Variants in DLGAP2 observed in about 807,000 individuals in gnomAD.
DLGAP2 encodes DLG associated protein 2.
DLGAP2 carries 26 observed loss-of-function variants against 100.3 expected under a neutral mutation model. The observed-to-expected ratio is 0.26, with a 90% CI of 0.19 to 0.36. The LOEUF (loss-of-function observed/expected upper bound fraction) is 0.36. Among genes scored for constraint, DLGAP2 ranks in the 10% least tolerant of loss-of-function variants. The probability of loss-of-function intolerance (pLI) is 1.00; values close to 1 mark genes in which losing one functional copy is unlikely to be tolerated. For synonymous variants in DLGAP2, 886 were observed against 630.1 expected (o/e 1.41, Z -6.08); for missense variants, 1,858 against 1,453.2 (o/e 1.28, Z -4.53).
chr8:1,162,121 C>G (rs1277369721), intron 2 of DLGAP2, among the ~76,000 whole-genome samples: 2 of 152,320 alleles, frequency 1.3e-5, no homozygotes, highest in East Asian at 1.9e-4. Context: ...GGGGCAGATT[C>G]CACAGGAGGC....
intron 2 of DLGAP2, among the ~76,000 whole-genome samples, chr8:951,021 A>G (rs1799466377): frequency 1.3e-5 from 2 of 152,118 alleles, no homozygotes; most frequent in Non-Finnish European, 2.9e-5. Context: ...TTGGATTCCT[A>G]TTTTGTTTAT....
At chr8:1,330,088 G>C (rs1385173614) in intron 3 of DLGAP2, among the ~76,000 whole-genome samples, 2 of 152,224 alleles carry the variant, frequency 1.3e-5, no homozygotes, top group Non-Finnish European at 2.9e-5. Context: ...CCTCATGTGG[G>C]GTCGAGGTTT....
At chr8:1,320,120 T>G (rs1800861356) in intron 3 of DLGAP2, among the ~76,000 whole-genome samples, 1 of 151,112 alleles carries the variant, frequency 6.6e-6, no homozygotes, top group Non-Finnish European at 1.5e-5. Context: ...GAGAGTGAGG[T>G]GAGGAAGAGG....
chr8:1,169,341 C>G (rs1476222081), intron 2 of DLGAP2, among the ~76,000 whole-genome samples: 2 of 152,084 alleles, frequency 1.3e-5, no homozygotes, highest in African/African-American at 2.4e-5. Flanking sequence ...GTTCTTTTGG[C>G]TTAGGATTGA....
intron 2 of DLGAP2, among the ~76,000 whole-genome samples, chr8:1,118,733 T>G (rs963517668): frequency 1.3e-5 from 2 of 152,152 alleles, no homozygotes; most frequent in African/African-American, 4.8e-5. Flanking sequence ...TAAATATACA[T>G]GTACTATGTG....
chr8:1,492,173 A>C (rs1045759899), intron 3 of DLGAP2, among the ~76,000 whole-genome samples: 1 of 152,182 alleles, frequency 6.6e-6, no homozygotes, highest in Non-Finnish European at 1.5e-5. Flanking sequence ...TCCAAAATAA[A>C]ATTACGATCA....
intron 2 of DLGAP2, among the ~76,000 whole-genome samples, chr8:1,191,317 C>T (rs192049018): frequency 1.3e-5 from 2 of 151,778 alleles, no homozygotes; most frequent in Non-Finnish European, 2.9e-5. Flanking sequence ...ACTACAGGCA[C>T]CCGCCACCAC....
intron 4 of DLGAP2, among the ~76,000 whole-genome samples, chr8:1,504,030 G>T (rs185654994): frequency 0.013 from 2,008 of 152,288 alleles, 52 homozygotes; most frequent in African/African-American, 0.046. Context: ...TGGACGCATT[G>T]GTTCCAGGGA....
At chr8:958,671 G>A (rs933774717) in intron 2 of DLGAP2, among the ~76,000 whole-genome samples, 9 of 151,426 alleles carry the variant, frequency 5.9e-5, no homozygotes, top group African/African-American at 1.5e-4. Context: ...TGGAAGCCTC[G>A]TGCTTCTGTG....
At chr8:1,629,267 C>T (rs1797585789) in intron 7 of DLGAP2, among the ~76,000 whole-genome samples, 1 of 152,194 alleles carries the variant, frequency 6.6e-6, no homozygotes, top group African/African-American at 2.4e-5. Context: ...CTTTTATCTA[C>T]TCGGTTACTT....
chr8:843,377 G>A (rs771290207), intron 1 of DLGAP2, among the ~76,000 whole-genome samples: 37 of 152,204 alleles, frequency 2.4e-4, no homozygotes, highest in Admixed American at 4.6e-4. Context: ...TGGCTGATCA[G>A]CATCAGGAGT....
chr8:1,441,903 T>C (rs549000483), intron 3 of DLGAP2, among the ~76,000 whole-genome samples: 13 of 152,028 alleles, frequency 8.6e-5, no homozygotes, highest in African/African-American at 3.1e-4. Flanking sequence ...ATGTGGTCCA[T>C]ATACACTATG....
In DLGAP2 at chr8:1,240,760, C is replaced by T. The variant is rs1413107541; in HGVS notation, c.74-18091C>T. 1.5e-3 allele frequency among the ~76,000 whole-genome samples: 114 copies of T among 77,062 alleles called. 5 individuals carry two copies. Among genetic ancestry groups the T allele is most frequent in the African/African-American group, 5.3e-3 (103 of 19,434 alleles). The allele number at this position is 77,062 out of a possible 152,430, so 50.6% of individuals were successfully genotyped here. A position where few individuals can be genotyped will look rare whatever the true frequency, so the allele number is the denominator to read the frequency against. On this transcript the variant is annotated intron_variant, in intron 2 of 14. Transcript: ENST00000637795. The stretch of plus-strand genomic sequence containing the variant: ...CGTGTCTGGTTCTCTCGCATGGCGC[C>T]GTGTCTAGTTGTCTCACATGGTGCC...
intron 1 of DLGAP2, among the ~76,000 whole-genome samples, chr8:901,462 C>CT (rs1171409055): frequency 6.6e-6 from 1 of 152,096 alleles, no homozygotes; most frequent in Non-Finnish European, 1.5e-5. Context: ...GTGGAAACAC[C>CT]TTTTGGTTGG....
intron 3 of DLGAP2, among the ~76,000 whole-genome samples, chr8:1,299,343 A>T (rs750035707): frequency 3.3e-5 from 5 of 152,200 alleles, no homozygotes; most frequent in Non-Finnish European, 5.9e-5. Flanking sequence ...TCCACCATAC[A>T]AGGGAATAAA....
chr8:1,650,122 T>C (rs543177463), intron 8 of DLGAP2, among the ~76,000 whole-genome samples: 6 of 152,352 alleles, frequency 3.9e-5, no homozygotes, highest in African/African-American at 1.4e-4. Flanking sequence ...GTATTTCTTG[T>C]ATCCATTTAT....
At chr8:938,775 C>G (rs1365555586) in intron 2 of DLGAP2, among the ~76,000 whole-genome samples, 1 of 152,174 alleles carries the variant, frequency 6.6e-6, no homozygotes, top group Non-Finnish European at 1.5e-5. Context: ...CTGTGTGTCT[C>G]AGCACAGGGG....
At chr8:1,183,672 G>C (rs79339857) in intron 2 of DLGAP2, among the ~76,000 whole-genome samples, 5,513 of 152,280 alleles carry the variant, frequency 0.036, 377 homozygotes, top group African/African-American at 0.13. Flanking sequence ...GAGCCCAGGA[G>C]ACAGGGCAGA....
chr8:1,096,957 T>A (rs1172754863), intron 2 of DLGAP2, among the ~76,000 whole-genome samples: 1 of 144,616 alleles, frequency 6.9e-6, no homozygotes, highest in East Asian at 2.1e-4. Flanking sequence ...CTTCACCCTC[T>A]GTGGCATAGA....
Sources: allele counts gnomAD v4.1 joint callset (sites outside exome capture counted in the v4.1 genomes callset), GRCh38; gene constraint gnomAD v4.1.1; transcripts MANE v1.5; gene names NCBI Gene and HGNC (gene_info 2026-07-23, HGNC 2026-07-21).